Variants in GALNT13 observed in about 807,000 individuals in gnomAD.
GALNT13 encodes the protein polypeptide N-acetylgalactosaminyltransferase 13.
GALNT13 carries 28 observed loss-of-function variants against 64.2 expected under a neutral mutation model. That is an observed-to-expected ratio of 0.44 (90% CI 0.32 to 0.60). The LOEUF (loss-of-function observed/expected upper bound fraction) is 0.60. GALNT13 is among the 20% of genes least tolerant of loss of function. The pLI is 0.05. For missense variants in GALNT13, 577 were observed against 669.8 expected, an observed-to-expected ratio of 0.86 and a Z score of 1.53; for synonymous variants, 214 against 224.6, an observed-to-expected ratio of 0.95 and a Z score of 0.42.
chr2:153,255,400 T>G, the GALNT13 span, among the ~76,000 whole-genome samples: 2 of 140,456 alleles, frequency 1.4e-5, no homozygotes, highest in African/African-American at 5.5e-5. Flanking sequence ...TACAGCACAC[T>G]GATGGATCTT....
At chr2:153,640,175 A>G in the GALNT13 span, among the ~76,000 whole-genome samples, 1 of 152,094 alleles carries the variant, frequency 6.6e-6, no homozygotes, top group Admixed American at 6.6e-5. Context: ...TATCTCTAGA[A>G]GATGAGGAAG....
the GALNT13 span, among the ~76,000 whole-genome samples, chr2:153,769,761 A>C: frequency 3.9e-5 from 6 of 152,302 alleles, no homozygotes; most frequent in East Asian, 1.2e-3. Flanking sequence ...CATATTTCTC[A>C]AAGGATTTGC....
intron 4 of GALNT13, among the ~76,000 whole-genome samples, chr2:154,161,039 G>A (rs140019716): frequency 2.0e-5 from 3 of 152,164 alleles, no homozygotes; most frequent in Non-Finnish European, 2.9e-5. Flanking sequence ...ATCTGTTACC[G>A]CACAGTATAC....
chr2:153,554,858 T>A, the GALNT13 span, among the ~76,000 whole-genome samples: 1 of 152,208 alleles, frequency 6.6e-6, no homozygotes. Flanking sequence ...TATATCCTTT[T>A]AAAAATATAT....
chr2:153,230,481 T>C, the GALNT13 span, among the ~76,000 whole-genome samples: 4 of 152,188 alleles, frequency 2.6e-5, no homozygotes, highest in African/African-American at 9.6e-5. Flanking sequence ...GACTTAATAA[T>C]GGCATGAAGC....
rs145287699 is a variant in GALNT13 at position 154,396,342 on chromosome 2, A to T, written c.1296+212A>T. On this transcript the variant is annotated intron_variant, in intron 10 of 12. Coordinates refer to ENST00000392825, the MANE Select transcript of GALNT13 (RefSeq NM_052917.4). ...AATTTTAACATTGAACAAAAAAAAA[A>T]TTTTTTTAACAGTTCTAAAGCTTTT... Among the ~76,000 whole-genome samples the T allele has an allele frequency of 3.2e-3, 488 of 152,114 alleles. 1 individual carries two copies. Among genetic ancestry groups the T allele is most frequent in the Middle Eastern group, 6.8e-3 (2 of 294 alleles).
At chr2:153,463,709 G>A in the GALNT13 span, among the ~76,000 whole-genome samples, 7,445 of 152,150 alleles carry the variant, frequency 0.049, 634 homozygotes, top group African/African-American at 0.17. Context: ...CATGGCTACA[G>A]ATGAGGGGAG....
chr2:154,052,943 T>C (rs1390589721), intron 3 of GALNT13, among the ~76,000 whole-genome samples: 1 of 152,042 alleles, frequency 6.6e-6, no homozygotes, highest in African/African-American at 2.4e-5. Context: ...TTCACCATGT[T>C]AGCCAGGATG....
chr2:154,137,160 A>G (rs1433198942), intron 3 of GALNT13, among the ~76,000 whole-genome samples: 1 of 150,908 alleles, frequency 6.6e-6, no homozygotes, highest in Non-Finnish European at 1.5e-5. Flanking sequence ...AAGAATTAGA[A>G]AAGTGTTTTC....
chr2:153,793,775 A>G, the GALNT13 span, among the ~76,000 whole-genome samples: 1 of 152,206 alleles, frequency 6.6e-6, no homozygotes, highest in Non-Finnish European at 1.5e-5. Context: ...TGAAAGGGAA[A>G]TAGCATTTTC....
the GALNT13 span, among the ~76,000 whole-genome samples, chr2:153,368,396 A>G: frequency 6.6e-6 from 1 of 152,142 alleles, no homozygotes; most frequent in Non-Finnish European, 1.5e-5. Context: ...CAACCATGCT[A>G]TCACTCTGAA....
chr2:154,357,149 AC>A (rs1298832430), intron 9 of GALNT13, among the ~76,000 whole-genome samples: 2 of 151,534 alleles, frequency 1.3e-5, no homozygotes, highest in South Asian at 4.2e-4. Flanking sequence ...CCAAGGTCAA[AC>A]CAGTTGCTGC....
chr2:153,823,653 C>T, the GALNT13 span, among the ~76,000 whole-genome samples: 4 of 152,082 alleles, frequency 2.6e-5, no homozygotes, highest in Admixed American at 2.0e-4. Flanking sequence ...TAAGACATAC[C>T]ACTGTAAAAA....
the GALNT13 span, among the ~76,000 whole-genome samples, chr2:153,137,710 A>C: frequency 6.6e-6 from 1 of 150,676 alleles, no homozygotes; most frequent in East Asian, 2.0e-4. Flanking sequence ...TGACTAGTAT[A>C]TGATGGAGCC....
At chr2:154,276,928 A>T (rs1691681756) in intron 8 of GALNT13, among the ~76,000 whole-genome samples, 1 of 152,064 alleles carries the variant, frequency 6.6e-6, no homozygotes, top group Admixed American at 6.5e-5. Context: ...ATGAGTGTAC[A>T]TTTCCTAAGG....
At chr2:154,446,907 C>A in intron 12 of GALNT13, 1 of 796,416 alleles carries the variant, frequency 1.3e-6, no homozygotes, top group Non-Finnish European at 1.8e-6. Flanking sequence ...TCTTTTACTT[C>A]CTAGCTACTC....
chr2:153,990,202 CAGACAATTAGT>C (rs1695072581), intron 3 of GALNT13, among the ~76,000 whole-genome samples: 2 of 151,930 alleles, frequency 1.3e-5, no homozygotes, highest in South Asian at 4.1e-4. Flanking sequence ...TGCTCAAAAT[CAGACAATTAGT>C]AGATGGTAGT....
the GALNT13 span, among the ~76,000 whole-genome samples, chr2:153,370,117 G>A: frequency 2.6e-5 from 4 of 152,056 alleles, no homozygotes; most frequent in African/African-American, 9.7e-5. Flanking sequence ...CCAACTTTTT[G>A]AAGACACTAC....
the GALNT13 span, among the ~76,000 whole-genome samples, chr2:153,319,418 T>G: frequency 1.3e-5 from 2 of 152,138 alleles, no homozygotes; most frequent in Admixed American, 6.6e-5. Flanking sequence ...GGACTACAGG[T>G]GCATATCCCC....
Sources: gnomAD v4.1 joint callset for allele counts (sites outside exome capture counted in the v4.1 genomes callset) on GRCh38, gnomAD v4.1.1 for gene constraint, MANE v1.5 for transcripts, NCBI Gene and HGNC (gene_info 2026-07-23, HGNC 2026-07-21) for gene names.